The following EPC1 variants were observed in gnomAD, a reference collection of about 807,000 sequenced individuals.
EPC1 encodes the protein enhancer of polycomb homolog 1.
In EPC1, 12 loss-of-function variants were observed where a neutral mutation model predicts 98.4. That is an observed-to-expected ratio of 0.12 (90% confidence interval 0.08 to 0.20). The LOEUF is 0.20. Among genes scored for constraint, EPC1 ranks in the 10% least tolerant of loss-of-function variants. The pLI is 1.00. For missense variants in EPC1, 729 were observed against 990.5 expected (o/e 0.74, Z 3.54); for synonymous variants, 357 against 363.9 (o/e 0.98, Z 0.21).
intron 2 of EPC1, among the ~76,000 whole-genome samples, chr10:32,300,169 C>T (rs927093152): frequency 6.6e-6 from 1 of 152,290 alleles, no homozygotes; most frequent in Admixed American, 6.5e-5. Context: ...GCCTCAGCCT[C>T]CCAAAGTGCT....
At chr10:32,333,333 AAAAC>A (rs375444400) in intron 1 of EPC1, among the ~76,000 whole-genome samples, 256 of 152,346 alleles carry the variant, frequency 1.7e-3, no homozygotes, top group African/African-American at 5.7e-3. Flanking sequence ...CTTCGTCTCA[AAAAC>A]AAACAAACAA....
At chr10:32,366,629 A>G (rs1481053888) in intron 1 of EPC1, among the ~76,000 whole-genome samples, 12 of 152,172 alleles carry the variant, frequency 7.9e-5, no homozygotes, top group East Asian at 1.9e-4. Flanking sequence ...TTGGCCATTT[A>G]TAGTGATAAA....
chr10:32,276,101 A>G (rs1322215931), intron 10 of EPC1, among the ~76,000 whole-genome samples: 1 of 152,202 alleles, frequency 6.6e-6, no homozygotes, highest in Non-Finnish European at 1.5e-5. Flanking sequence ...AGTGGTGGTA[A>G]TAATAACTAT....
intron 1 of EPC1, among the ~76,000 whole-genome samples, chr10:32,363,630 C>T (rs1008559712): frequency 2.6e-5 from 4 of 151,620 alleles, no homozygotes; most frequent in Non-Finnish European, 4.4e-5. Context: ...AAACTCTATC[C>T]TTTCTCTTTC....
intron 1 of EPC1, among the ~76,000 whole-genome samples, chr10:32,367,524 T>C (rs1230888135): frequency 4.6e-5 from 7 of 152,252 alleles, no homozygotes. Context: ...TAAAATTCCA[T>C]ATATTGGCAT....
chr10:32,325,773 C>A (rs1380959234), intron 1 of EPC1, among the ~76,000 whole-genome samples: 1 of 76,638 alleles, frequency 1.3e-5, no homozygotes, highest in East Asian at 4.3e-4. Context: ...GCAGACACTG[C>A]CGGTTTTTTG....
chr10:32,275,707 G>A (rs1386733410), intron 10 of EPC1, among the ~76,000 whole-genome samples: 4 of 151,754 alleles, frequency 2.6e-5, no homozygotes, highest in South Asian at 2.1e-4. Context: ...CCCGGGAGGC[G>A]AAGCTTGCAG....
Position 32,364,001 on chromosome 10 carries a change from C to CCTTTTTTTTTTTTTTTTTTTTTT in EPC1, c.3+14489_3+14490insAAAAAAAAAAAAAAAAAAAAAAG, listed in dbSNP as rs770520611. 9.2e-4 allele frequency among the ~76,000 whole-genome samples: 57 copies of CCTTTTTTTTTTTTTTTTTTTTTT among 61,840 alleles called. 28 individuals are homozygous for CCTTTTTTTTTTTTTTTTTTTTTT. Among genetic ancestry groups the CCTTTTTTTTTTTTTTTTTTTTTT allele is most frequent in the South Asian group, 1.3e-3 (2 of 1,550 alleles). The allele number at this position is 61,840 out of a possible 152,430, so 40.6% of individuals were successfully genotyped here. ...AATAGTATCGTGTCCATCATGTTGG[C>CCTTTTTTTTTTTTTTTTTTTTTT]ATTTTTTTTTTTTTTTTTTTTTTTT... On this transcript the variant is annotated intron_variant, in intron 1 of 13. Coordinates refer to the EPC1 transcript ENST00000375110.
intron 1 of EPC1, among the ~76,000 whole-genome samples, chr10:32,320,367 T>G (rs1476651017): frequency 6.6e-6 from 1 of 152,156 alleles, no homozygotes; most frequent in Non-Finnish European, 1.5e-5. Context: ...TTTCTCTATT[T>G]AAACTAGTTT....
At chr10:32,344,777 A>T (rs572382812) in intron 1 of EPC1, among the ~76,000 whole-genome samples, 1 of 152,126 alleles carries the variant, frequency 6.6e-6, no homozygotes, top group Non-Finnish European at 1.5e-5. Flanking sequence ...ACAGAGTGAG[A>T]CTCCATCTCA....
intron 5 of EPC1, 109 bp downstream of exon 5, chr10:32,292,386 TA>T (rs1288542762): frequency 3.8e-6 from 3 of 785,254 alleles, no homozygotes; most frequent in Admixed American, 3.0e-5. Flanking sequence ...TCTCTATTAT[TA>T]AAAAAAGATA....
intron 1 of EPC1, among the ~76,000 whole-genome samples, chr10:32,353,301 G>T (rs1839178875): frequency 6.6e-6 from 1 of 152,180 alleles, no homozygotes; most frequent in Admixed American, 6.5e-5. Flanking sequence ...AGAGAAAGGG[G>T]TAGCTATTTG....
chr10:32,323,320 A>G (rs1837051570), intron 1 of EPC1, among the ~76,000 whole-genome samples: 1 of 152,208 alleles, frequency 6.6e-6, no homozygotes, highest in Non-Finnish European at 1.5e-5. Flanking sequence ...TGGTTAAAAA[A>G]TAAAAGGGAC....
At chr10:32,330,222 G>A (rs1837560015) in intron 1 of EPC1, among the ~76,000 whole-genome samples, 1 of 152,182 alleles carries the variant, frequency 6.6e-6, no homozygotes, top group South Asian at 2.1e-4. Flanking sequence ...GACCAGTGAG[G>A]AAGCTACTTA....
At chr10:32,347,347 G>A (rs1183330711), upstream of EPC1, 1 of 304,626 alleles carries the variant, frequency 3.3e-6, no homozygotes, top group Non-Finnish European at 4.9e-6. Context: ...CGCGGGTCCG[G>A]GGGCGGACAG....
chr10:32,305,392 T>C (rs1256761900), intron 2 of EPC1, among the ~76,000 whole-genome samples: 1 of 152,238 alleles, frequency 6.6e-6, no homozygotes, highest in Non-Finnish European at 1.5e-5. Context: ...GTAGTTACAA[T>C]CTGACCCTGT....
At chr10:32,322,683 A>C (rs1321761159) in intron 1 of EPC1, among the ~76,000 whole-genome samples, 1 of 152,228 alleles carries the variant, frequency 6.6e-6, no homozygotes, top group Non-Finnish European at 1.5e-5. Flanking sequence ...ACATTTGTGC[A>C]TGTTTAAGAT....
rs1050052194 is a variant in EPC1, at chr10:32,378,434, T to G, written c.3+57A>C. On this transcript the variant is annotated intron_variant, in intron 1 of 13. Coordinates refer to the EPC1 transcript ENST00000375110. ...GTTAGAAGAAACACAATGAAAATCC[T>G]TTTTAGCCGGTGGCTCTTTCAAAGA... 2.1e-6 allele frequency: 3 copies of G among 1,442,506 alleles called. No individual in the cohort carries two copies. In the African/African-American group the frequency reaches 4.3e-5, roughly 20 times the overall value. The allele number at this position is 1,442,506 out of a possible 1,614,324, so 89.4% of individuals were successfully genotyped here. A position where few individuals can be genotyped will look rare whatever the true frequency, so the allele number is the denominator to read the frequency against.
intron 4 of EPC1, 29 bp from the exon 5 acceptor site, chr10:32,292,673 T>C (rs1413822879): frequency 1.3e-6 from 2 of 1,588,832 alleles, no homozygotes; most frequent in Admixed American, 3.8e-5. Context: ...TTGTTTAATG[T>C]TAGTAAGTAT....
Sources: gnomAD v4.1 joint callset for allele counts (sites outside exome capture counted in the v4.1 genomes callset) on GRCh38, gnomAD v4.1.1 for gene constraint, MANE v1.5 for transcripts, NCBI Gene and HGNC (gene_info 2026-07-23, HGNC 2026-07-21) for gene names.